HMCN1: variants seen among roughly 807,000 people sequenced by gnomAD.
HMCN1 encodes the protein hemicentin-1.
Under a neutral mutation model 625.9 loss-of-function variants are expected in HMCN1, and 321 were observed. The observed-to-expected ratio is 0.51, with a 90% CI of 0.47 to 0.56. The LOEUF is 0.56. HMCN1 is among the 20% of genes least tolerant of loss of function. The probability of loss-of-function intolerance (pLI) is 0.00; values close to 1 mark genes in which losing one functional copy is unlikely to be tolerated. For missense variants in HMCN1, 6,588 were observed against 6,887.3 expected (o/e 0.96, Z 1.54); for synonymous variants, 2,425 against 2,417.6 (o/e 1.00, Z -0.09).
Position 186,189,593 on chromosome 1 carries a change from C to G in HMCN1, c.16623C>G (p.Leu5541=), listed in dbSNP as rs151256828. The G allele has an allele frequency of 2.2e-3, 3,533 of 1,613,616 alleles. 17 individuals carry two copies. In the Middle Eastern group the frequency reaches 0.026, roughly 12 times the overall value. The change falls in exon 107 of 107, where the codon CTC becomes CTG. Residue 5541 remains leucine, a synonymous_variant. Transcript: ENST00000271588. The stretch of plus-strand genomic sequence containing the variant: ...CCTTGGAATACAAACTCGTCTCCCT[C>G]CCATTTGGAATAGCCACCAATCAAG... The part of the protein sequence containing the change: ...PYALEYKLVS[L]PFGIATNQDL...
At chr1:186,056,695 G>C (rs1419611686) in intron 45 of HMCN1, among the ~76,000 whole-genome samples, 1 of 151,832 alleles carries the variant, frequency 6.6e-6, no homozygotes, top group Non-Finnish European at 1.5e-5. Context: ...ACTAAACATT[G>C]GGTACTCAAA....
intron 1 of HMCN1, among the ~76,000 whole-genome samples, chr1:185,837,414 C>G (rs1224899766): frequency 6.6e-6 from 1 of 151,574 alleles, no homozygotes; most frequent in Non-Finnish European, 1.5e-5. Context: ...TTAGAGTTTT[C>G]CTTTCATGTA....
At chr1:186,017,204 G>T in intron 33 of HMCN1, 133 bp downstream of exon 33, 2 of 684,052 alleles carry the variant, frequency 2.9e-6, no homozygotes, top group East Asian at 5.5e-5. Context: ...TCTTTTAAAA[G>T]ACATGCTCTA....
chr1:185,877,128 T>C (rs1663992751), intron 4 of HMCN1, among the ~76,000 whole-genome samples: 1 of 151,866 alleles, frequency 6.6e-6, no homozygotes, highest in Non-Finnish European at 1.5e-5. Flanking sequence ...TTTCTGCATA[T>C]GGCTATCCAA....
At position 185,924,024 on chromosome 1, in the gene HMCN1, T is replaced by C. The variant is rs141473101; in HGVS notation, c.1285+371T>C. Among the ~76,000 whole-genome samples the C allele has an allele frequency of 3.1e-3, 472 of 152,238 alleles. 4 individuals are homozygous for C. The highest frequency in any genetic ancestry group is 0.011 in the African/African-American group (438 of 41,550). On this transcript the variant is annotated intron_variant, in intron 8 of 106. Transcript: ENST00000271588. ...CAGAAACTTTCTGCTCCATAGATGG[T>C]AGTTCATAGTAAACAACAGGTGATC... is the stretch of plus-strand genomic sequence containing the variant.
intron 70 of HMCN1, among the ~76,000 whole-genome samples, chr1:186,107,238 A>G (rs1195489051): frequency 4.6e-5 from 7 of 152,148 alleles, no homozygotes; most frequent in Non-Finnish European, 1.5e-5. Flanking sequence ...GGTGCCTGCC[A>G]CCACGCCCGG....
At chr1:185,878,769 G>A (rs1664109992) in intron 4 of HMCN1, among the ~76,000 whole-genome samples, 1 of 152,174 alleles carries the variant, frequency 6.6e-6, no homozygotes, top group Non-Finnish European at 1.5e-5. Context: ...CATTTGGCAT[G>A]TACTCAGTTA....
At chr1:185,921,165 T>C (rs1345668080) in intron 6 of HMCN1, among the ~76,000 whole-genome samples, 2 of 152,196 alleles carry the variant, frequency 1.3e-5, no homozygotes, top group East Asian at 3.8e-4. Flanking sequence ...ACACATATAA[T>C]CTTTTGTAAC....
At chr1:185,835,139 C>A (rs535840391) in intron 1 of HMCN1, among the ~76,000 whole-genome samples, 1 of 152,076 alleles carries the variant, frequency 6.6e-6, no homozygotes, top group African/African-American at 2.4e-5. Flanking sequence ...ACAATCTCTG[C>A]CTTTTAGAAT....
intron 49 of HMCN1, among the ~76,000 whole-genome samples, chr1:186,065,649 G>C (rs958235896): frequency 6.6e-6 from 1 of 152,030 alleles, no homozygotes; most frequent in Non-Finnish European, 1.5e-5. Context: ...TTTGTGCTAG[G>C]GACACAACTC....
intron 1 of HMCN1, among the ~76,000 whole-genome samples, chr1:185,833,434 G>A (rs1660987512): frequency 6.6e-6 from 1 of 152,160 alleles, no homozygotes; most frequent in Non-Finnish European, 1.5e-5. Flanking sequence ...CAAGTACAGG[G>A]CATGATTAGC....
chr1:185,923,160 T>C (rs1345930146), intron 7 of HMCN1, among the ~76,000 whole-genome samples: 8 of 152,204 alleles, frequency 5.3e-5, no homozygotes, highest in Non-Finnish European at 1.0e-4. Flanking sequence ...GATTCTAATT[T>C]TTTTTACATG....
At chr1:185,987,134 A>C (rs978526589) in intron 19 of HMCN1, among the ~76,000 whole-genome samples, 4 of 141,124 alleles carry the variant, frequency 2.8e-5, no homozygotes, top group Middle Eastern at 3.4e-3. Flanking sequence ...GGTTTCCAGC[A>C]AAAAAAAAAA....
intron 4 of HMCN1, among the ~76,000 whole-genome samples, chr1:185,867,043 A>G (rs920630898): frequency 4.6e-5 from 7 of 152,176 alleles, no homozygotes; most frequent in African/African-American, 1.7e-4. Context: ...TAGTTCTCTT[A>G]TAGCTAAAGA....
chr1:186,095,224 C>T lies in HMCN1; in HGVS notation c.10295-19C>T, dbSNP rs1660066108. The T allele has an allele frequency of 6.2e-7, 1 of 1,612,994 alleles. No homozygotes were observed. The highest frequency in any genetic ancestry group is 8.5e-7 in the Non-Finnish European group (1 of 1,179,456). On this transcript the variant is annotated intron_variant, in intron 67 of 106. Transcript: ENST00000271588. ...TTACAATAGACATCCAAATTTTGCC[C>T]ATGTTGTTTTCTATGTAGCACCACC...
chr1:185,741,802 A>C (rs563796792), intron 1 of HMCN1, among the ~76,000 whole-genome samples: 6 of 152,328 alleles, frequency 3.9e-5, no homozygotes, highest in Non-Finnish European at 5.9e-5. Context: ...AGGAGATGGG[A>C]GTGAAAGCCT....
chr1:185,881,661 C>G (rs964729231), intron 4 of HMCN1, among the ~76,000 whole-genome samples: 1 of 152,288 alleles, frequency 6.6e-6, no homozygotes, highest in Middle Eastern at 3.4e-3. Context: ...ATTTCTCTGC[C>G]TCCTGCCCCT....
intron 11 of HMCN1, among the ~76,000 whole-genome samples, chr1:185,948,831 T>C (rs1246606729): frequency 4.0e-5 from 6 of 151,700 alleles, no homozygotes; most frequent in Non-Finnish European, 8.8e-5. Context: ...GAATGGGCGA[T>C]GTTTCTCAGG....
In HMCN1 at chr1:186,123,097, C is replaced by T. The variant is rs1208584020; in HGVS notation, c.12376C>T (p.Arg4126Cys). The T allele has an allele frequency of 2.5e-6, 4 of 1,614,126 alleles. No homozygotes were observed. Among genetic ancestry groups the T allele is most frequent in the South Asian group, 1.1e-5 (1 of 91,082 alleles). The change falls in exon 81 of 107, where the codon CGC (arginine) becomes TGC (cysteine). Residue 4126 changes from arginine (R) to cysteine (C), a missense_variant. Arg to Cys is a radical substitution (Grantham distance 180). Transcript: ENST00000271588. Reference protein sequence around the residue: ...GRAIVESIRQRVLSSGSLQIA... With the variant: ...GRAIVESIRQCVLSSGSLQIA... The stretch of plus-strand genomic sequence containing the variant: ...TGCAATTGTGGAATCTATCCGCCAG[C>T]GCGTCCTCAGCTCTGGCTCTCTGCA...
Sources: gnomAD v4.1 joint callset for allele counts (sites outside exome capture counted in the v4.1 genomes callset) on GRCh38, gnomAD v4.1.1 for gene constraint, MANE v1.5 for transcripts, NCBI Gene and HGNC (gene_info 2026-07-23, HGNC 2026-07-21) for gene names.